The following ZFX variants were observed in gnomAD, a reference collection of about 807,000 sequenced individuals.
ZFX encodes the protein zinc finger X-chromosomal protein.
For missense variants in ZFX, 362 were observed against 628.3 expected (o/e 0.58, Z 4.53); for synonymous variants, 196 against 226.8 (o/e 0.86, Z 1.22).
intron 3 of ZFX, among the ~76,000 whole-genome samples, chrX:24,157,798 G>A (rs770922878): frequency 1.8e-5 from 2 of 110,976 alleles, no homozygotes; most frequent in East Asian, 2.8e-4. Flanking sequence ...TTTTTCTGTC[G>A]CCCAGGCTGG....
chrX:24,187,133 A>G (rs1357961253), intron 5 of ZFX, among the ~76,000 whole-genome samples: 2 of 111,984 alleles, frequency 1.8e-5, no homozygotes. Context: ...CCAGGCATAC[A>G]TACATACATA....
chrX:24,198,316 C>T (rs1248556479), intron 5 of ZFX, among the ~76,000 whole-genome samples: 1 of 111,100 alleles, frequency 9.0e-6, no homozygotes, highest in Non-Finnish European at 1.9e-5. Flanking sequence ...GATCCTCCTA[C>T]CTCAGCCTCC....
chrX:24,213,632 C>CCTAT lies in ZFX; in HGVS notation c.*2259_*2262dup, dbSNP rs1276827595. On this transcript the variant is annotated 3_prime_UTR_variant, in exon 10 of 10. Coordinates refer to ENST00000304543, the MANE Select transcript of ZFX (RefSeq NM_003410.4). ...AAAGTCAAGGCATGGGTTTTCCTAG[C>CCTAT]CTATCTTATAGGAAATTCCTGTACC... 2 of 108,625 alleles carry CCTAT rather than the reference C, an allele frequency of 1.8e-5. No individual in the cohort carries two copies. Among genetic ancestry groups the CCTAT allele is most frequent in the East Asian group, 5.8e-4 (2 of 3,476 alleles). The allele number at this position is 108,625 out of a possible 1,213,427, so 9.0% of individuals were successfully genotyped here.
chrX:24,165,573 A>G (rs756005177), intron 3 of ZFX, among the ~76,000 whole-genome samples: 4 of 112,972 alleles, frequency 3.5e-5, no homozygotes, highest in South Asian at 3.6e-4. Context: ...AAGGAAATGT[A>G]TAAGAAAACA....
rs931876534 is a variant in ZFX, at chrX:24,213,741, C to T, written c.*2365C>T. ...TTGTGATCCGTGATTCATTGCCCTG[C>T]GATTCTTGAAAGCTCTGTCTGTTTT... On this transcript the variant is annotated 3_prime_UTR_variant, in exon 10 of 10. Coordinates refer to ENST00000304543, the MANE Select transcript of ZFX (RefSeq NM_003410.4). 2 of 103,417 alleles carry T rather than the reference C, an allele frequency of 1.9e-5. No homozygotes were observed. The highest frequency in any genetic ancestry group is 3.5e-5 in the African/African-American group (1 of 28,228). 8.5% of individuals were successfully genotyped at this position (103,417 alleles called of 1,213,427 possible). A position where few individuals can be genotyped will look rare whatever the true frequency, so the allele number is the denominator to read the frequency against.
At chrX:24,156,488 C>G (rs1932792037) in intron 3 of ZFX, among the ~76,000 whole-genome samples, 1 of 110,918 alleles carries the variant, frequency 9.0e-6, no homozygotes, top group East Asian at 2.8e-4. Flanking sequence ...AATCTAATAT[C>G]TTTTTCATGT....
chrX:24,171,136 A>G (rs962122399), intron 3 of ZFX, among the ~76,000 whole-genome samples: 1 of 111,769 alleles, frequency 8.9e-6, no homozygotes, highest in East Asian at 2.8e-4. Context: ...TATATAAATA[A>G]TCATAATATG....
intron 4 of ZFX, among the ~76,000 whole-genome samples, chrX:24,175,970 A>G (rs1333885681): frequency 9.0e-6 from 1 of 111,427 alleles, no homozygotes; most frequent in Non-Finnish European, 1.9e-5. Flanking sequence ...CTTAATGATA[A>G]TATTGTGGAT....
intron 2 of ZFX, among the ~76,000 whole-genome samples, chrX:24,152,228 C>T (rs111597660): frequency 3.7e-5 from 4 of 109,271 alleles, no homozygotes; most frequent in Non-Finnish European, 7.6e-5. Context: ...CTCTGCCTCC[C>T]GGGTTCAAGT....
intron 3 of ZFX, among the ~76,000 whole-genome samples, chrX:24,170,275 A>C (rs1013301709): frequency 9.4e-6 from 1 of 106,753 alleles, no homozygotes; most frequent in Non-Finnish European, 1.9e-5. Flanking sequence ...CCCTGCCTCA[A>C]CCTCCTGAGT....
chrX:24,158,122 C>G (rs1932900743), intron 3 of ZFX, among the ~76,000 whole-genome samples: 1 of 111,502 alleles, frequency 9.0e-6, no homozygotes, highest in Non-Finnish European at 1.9e-5. Flanking sequence ...TCTGAATTGT[C>G]TTGATAAATC....
At chrX:24,201,050 C>T (rs921384746) in intron 5 of ZFX, among the ~76,000 whole-genome samples, 3 of 112,052 alleles carry the variant, frequency 2.7e-5, no homozygotes, top group African/African-American at 9.7e-5. Context: ...TAGGATGACT[C>T]AATTTTATCG....
At chrX:24,190,966 A>G (rs1171621576) in intron 5 of ZFX, among the ~76,000 whole-genome samples, 1 of 112,035 alleles carries the variant, frequency 8.9e-6, no homozygotes, top group Non-Finnish European at 1.9e-5. Context: ...TGCTGTGGTT[A>G]TCATCCAGAG....
chrX:24,207,995 A>G (rs1157759356), intron 7 of ZFX, 140 bp downstream of exon 7: 2 of 901,509 alleles, frequency 2.2e-6, no homozygotes, highest in Non-Finnish European at 3.1e-6. Flanking sequence ...TCTTTTATAT[A>G]TGCTTATGAT....
At chrX:24,167,119 T>G (rs988260218) in intron 3 of ZFX, among the ~76,000 whole-genome samples, 56 of 111,921 alleles carry the variant, frequency 5.0e-4, no homozygotes, top group African/African-American at 1.7e-3. Context: ...CATAGGAAAT[T>G]CCAAAGTGAG....
chrX:24,183,475 C>T lies in ZFX; in HGVS notation c.646+3705C>T, dbSNP rs149441167. ...GTGCTGGGATTACGGACGTGAGCTA[C>T]CACGCCTGGCCGAAAATGCTATTTT... On this transcript the variant is annotated intron_variant, in intron 5 of 9. Transcript: ENST00000304543. Among the ~76,000 whole-genome samples, 231 of 111,457 alleles carry T rather than the reference C, an allele frequency of 2.1e-3. 2 individuals are homozygous for T. The highest frequency in any genetic ancestry group is 0.014 in the South Asian group (37 of 2,671).
In ZFX at chrX:24,211,960, T is replaced by TG. The variant is rs1355291915; in HGVS notation, c.*586dup. 8.8e-6 allele frequency: 1 copy of TG among 113,034 alleles called. No homozygotes were observed. The highest frequency in any genetic ancestry group is 9.4e-5 in the Admixed American group (1 of 10,618). The allele number at this position is 113,034 out of a possible 1,213,427, so 9.3% of individuals were successfully genotyped here. A position where few individuals can be genotyped will look rare whatever the true frequency, so the allele number is the denominator to read the frequency against. Reference sequence around the variant, plus strand: ...CCTGGCTTTGCTGAGTAAAGAGCAGTGGCTGGGTTCGTGTTTACTTTTCAA... The same window carrying TG: ...CCTGGCTTTGCTGAGTAAAGAGCAGTGGGCTGGGTTCGTGTTTACTTTTCAA... On this transcript the variant is annotated 3_prime_UTR_variant, in exon 10 of 10. Coordinates refer to ENST00000304543, the MANE Select transcript of ZFX (RefSeq NM_003410.4).
rs1932612880 is a variant in ZFX at position 24,154,707 on chromosome X, A to C, written c.-29+1877A>C. 2.7e-5 allele frequency among the ~76,000 whole-genome samples: 3 copies of C among 112,207 alleles called. No homozygotes were observed. In the Admixed American group the frequency reaches 2.9e-4, roughly 11 times the overall value. On this transcript the variant is annotated intron_variant, in intron 3 of 9. Coordinates refer to ENST00000304543, the MANE Select transcript of ZFX (RefSeq NM_003410.4). The stretch of plus-strand genomic sequence containing the variant: ...GAATCCAGCCGGTTTCTATTAAGCC[A>C]GACATGAAAGAGATTTGCAAAAATG...
chrX:24,168,131 A>G (rs904931065), intron 3 of ZFX, among the ~76,000 whole-genome samples: 2 of 112,334 alleles, frequency 1.8e-5, no homozygotes, highest in Non-Finnish European at 3.8e-5. Context: ...GAAGATATTA[A>G]TTAGGCCTTA....
Sources: allele counts gnomAD v4.1 joint callset (sites outside exome capture counted in the v4.1 genomes callset), GRCh38; gene constraint gnomAD v4.1.1; transcripts MANE v1.5; gene names NCBI Gene and HGNC (gene_info 2026-07-23, HGNC 2026-07-21).